The following MAP3K15 variants were observed in gnomAD, a reference collection of about 807,000 sequenced individuals.
MAP3K15 encodes MAPK/ERK kinase kinase 15.
Under a neutral mutation model 99.5 loss-of-function variants are expected in MAP3K15, and 124 were observed. The ratio of observed to expected loss-of-function variants is 1.25; its 90% confidence interval spans 1.08 to 1.45. The LOEUF (loss-of-function observed/expected upper bound fraction) is 1.45. MAP3K15 is among the 40% of genes most tolerant of loss of function. The probability of loss-of-function intolerance (pLI) is 0.00; values close to 1 mark genes in which losing one functional copy is unlikely to be tolerated. For synonymous variants in MAP3K15, 494 were observed against 439.6 expected (o/e 1.12, Z -1.55); for missense variants, 1,242 against 1,079.7 (o/e 1.15, Z -2.11).
At chrX:19,423,154 T>G (rs1045006723) in intron 9 of MAP3K15, among the ~76,000 whole-genome samples, 2 of 108,924 alleles carry the variant, frequency 1.8e-5, no homozygotes, top group African/African-American at 6.7e-5. Context: ...TGTGCACATG[T>G]ACCCTAAAAC....
intron 9 of MAP3K15, among the ~76,000 whole-genome samples, chrX:19,420,860 A>T (rs1340518120): frequency 8.9e-6 from 1 of 112,040 alleles, no homozygotes; most frequent in Admixed American, 9.5e-5. Flanking sequence ...CATCCCTGGG[A>T]TGCAAGGCTG....
intron 20 of MAP3K15, 32 bp downstream of exon 20, chrX:19,374,445 G>A: frequency 8.4e-7 from 1 of 1,184,609 alleles, no homozygotes. Flanking sequence ...TTGTGGCCAG[G>A]GTGCTGCCCC....
chrX:19,432,689 A>C (rs889204383), intron 6 of MAP3K15, among the ~76,000 whole-genome samples: 5 of 110,562 alleles, frequency 4.5e-5, no homozygotes, highest in Admixed American at 9.6e-5. Flanking sequence ...ATGATAATGT[A>C]ATCATGACTA....
chrX:19,373,432 A>G lies in MAP3K15; in HGVS notation c.2933+104T>C, dbSNP rs2063392585. 8.9e-6 allele frequency: 9 copies of G among 1,008,630 alleles called. No individual in the cohort carries two copies. The East Asian group carries it at 3.0e-4, about 34-fold the overall frequency. 83.1% of individuals were successfully genotyped at this position (1,008,630 alleles called of 1,213,427 possible). A position where few individuals can be genotyped will look rare whatever the true frequency, so the allele number is the denominator to read the frequency against. On this transcript the variant is annotated intron_variant, in intron 21 of 28. Transcript: ENST00000338883. ...CCTACTGCCCTGCAGAAGGGAAGTA[A>G]AACCCCTCAGTGGCCATCTGGTTGG... is the stretch of plus-strand genomic sequence containing the variant.
At chrX:19,472,986 G>A (rs995137696) in intron 3 of MAP3K15, among the ~76,000 whole-genome samples, 4 of 112,221 alleles carry the variant, frequency 3.6e-5, no homozygotes, top group Admixed American at 1.9e-4. Flanking sequence ...TGTTCAAGAA[G>A]GCAGAGCACT....
chrX:19,499,997 AG>A (rs1368562989), intron 1 of MAP3K15, among the ~76,000 whole-genome samples: 1 of 112,965 alleles, frequency 8.9e-6, no homozygotes, highest in East Asian at 2.8e-4. Flanking sequence ...CTGAAATCCA[AG>A]CACTTTGGGA....
At position 19,384,748 on chromosome X, in the gene MAP3K15, GGAAAAAAAAAAAAAAA is replaced by G. The variant is rs1327053725; in HGVS notation, c.2432-4487_2432-4472del. 4.4e-3 allele frequency among the ~76,000 whole-genome samples: 249 copies of G among 56,459 alleles called. 3 individuals are homozygous for G. Among genetic ancestry groups the G allele is most frequent in the African/African-American group, 0.016 (235 of 14,300 alleles). The allele number at this position is 56,459 out of a possible 115,157, so 49.0% of individuals were successfully genotyped here. On this transcript the variant is annotated intron_variant, in intron 18 of 28. Transcript: ENST00000338883. ...GATGGGAGTGAGACCTTGTCTCAGG[GGAAAAAAAAAAAAAAA>G]AAAAAAAAAAAAAAAACTGTACATT... is the stretch of plus-strand genomic sequence containing the variant.
intron 18 of MAP3K15, among the ~76,000 whole-genome samples, chrX:19,386,896 G>C (rs1028902605): frequency 2.7e-5 from 3 of 111,023 alleles, no homozygotes; most frequent in African/African-American, 6.6e-5. Context: ...TTTGGGGCAG[G>C]ACTGTCCCCA....
chrX:19,388,018 CT>C (rs2063503768), intron 18 of MAP3K15, among the ~76,000 whole-genome samples: 2 of 112,716 alleles, frequency 1.8e-5, no homozygotes, highest in East Asian at 5.6e-4. Flanking sequence ...TTCCCTGCCC[CT>C]GTCCTCTCCT....
At chrX:19,445,029 T>C (rs912529391) in intron 6 of MAP3K15, among the ~76,000 whole-genome samples, 1 of 110,926 alleles carries the variant, frequency 9.0e-6, no homozygotes, top group Admixed American at 9.6e-5. Context: ...ACTCTATATG[T>C]TGTTCTATAG....
intron 1 of MAP3K15, among the ~76,000 whole-genome samples, chrX:19,495,167 A>G (rs996908104): frequency 9.0e-6 from 1 of 111,289 alleles, no homozygotes; most frequent in Non-Finnish European, 1.9e-5. Context: ...ATGCACCACC[A>G]TGCCTGGCTA....
intron 13 of MAP3K15, among the ~76,000 whole-genome samples, chrX:19,406,134 C>A (rs1467810650): frequency 1.8e-5 from 2 of 111,558 alleles, no homozygotes; most frequent in African/African-American, 6.5e-5. Context: ...AAATTGGAAG[C>A]CACATACATT....
chrX:19,413,841 C>T (rs1006970777), intron 10 of MAP3K15, among the ~76,000 whole-genome samples: 4 of 101,723 alleles, frequency 3.9e-5, no homozygotes, highest in East Asian at 3.1e-4. Context: ...CAGAAGGGGA[C>T]GAAAAAGAGA....
chrX:19,390,119 G>A (rs1423430935), intron 18 of MAP3K15, among the ~76,000 whole-genome samples: 1 of 110,362 alleles, frequency 9.1e-6, no homozygotes, highest in Non-Finnish European at 1.9e-5. Flanking sequence ...CACTGTGGGT[G>A]TCCAGTGGCT....
chrX:19,430,372 G>A (rs1331139652), intron 7 of MAP3K15, among the ~76,000 whole-genome samples: 1 of 111,324 alleles, frequency 9.0e-6, no homozygotes, highest in African/African-American at 3.3e-5. Context: ...AAATGTGTAC[G>A]GGGTCATTTG....
rs906827784 is a variant in MAP3K15 at position 19,398,230 on chromosome X, T to C, written c.2062A>G (p.Ser688Gly). ...IAIKEIPERD[S>G]RYSQPLHEEI... ...GGAAGGCCCGCCTGGACTTGCCTGC[T>C]ATCTCTCTCCGGGATTTCTTTGATG... is the stretch of plus-strand genomic sequence containing the variant. Residue 688 changes from serine to glycine, a missense_variant, in exon 15 of 29, where the codon AGC (serine) becomes GGC (glycine). By Grantham distance (56) the Ser-to-Gly change is moderately conservative. Transcript: ENST00000338883. The C allele has an allele frequency of 3.3e-6, 4 of 1,209,802 alleles. No individual in the cohort carries two copies. The East Asian group carries it at 8.9e-5, about 27-fold the overall frequency.
intron 12 of MAP3K15, among the ~76,000 whole-genome samples, chrX:19,408,835 G>A (rs1056734455): frequency 7.2e-5 from 8 of 111,044 alleles, no homozygotes; most frequent in South Asian, 3.8e-4. Flanking sequence ...CTACAGTGCC[G>A]TGTTTATTTC....
chrX:19,424,209 CAT>C (rs1284170365), intron 9 of MAP3K15, among the ~76,000 whole-genome samples: 11 of 104,876 alleles, frequency 1.0e-4, no homozygotes, highest in East Asian at 8.5e-4. Context: ...CACACACACA[CAT>C]ATATACACAC....
intron 3 of MAP3K15, among the ~76,000 whole-genome samples, chrX:19,469,288 A>G (rs1465180832): frequency 8.9e-6 from 1 of 111,935 alleles, no homozygotes; most frequent in East Asian, 2.8e-4. Flanking sequence ...TGACAAAAAC[A>G]AGCAATGGGG....
Sources: gnomAD v4.1 joint callset for allele counts (sites outside exome capture counted in the v4.1 genomes callset) on GRCh38, gnomAD v4.1.1 for gene constraint, MANE v1.5 for transcripts, NCBI Gene and HGNC (gene_info 2026-07-23, HGNC 2026-07-21) for gene names.